The following SHANK2 variants were observed in gnomAD, a reference collection of about 807,000 sequenced individuals.
SHANK2 encodes SH3 and multiple ankyrin repeat domains 2, also known as SH3 and multiple ankyrin repeat domains protein 2.
SHANK2 carries 43 observed loss-of-function variants against 133.7 expected under a neutral mutation model. That is an observed-to-expected ratio of 0.32 (90% CI 0.25 to 0.41). The LOEUF is 0.41. SHANK2 is among the 10% of genes least tolerant of loss of function. The pLI is 1.00. For synonymous variants in SHANK2, 1,017 were observed against 952.8 expected, an observed-to-expected ratio of 1.07 and a Z score of -1.24; for missense variants, 1,994 against 2,235.8, an observed-to-expected ratio of 0.89 and a Z score of 2.18.
intron 11 of SHANK2, among the ~76,000 whole-genome samples, chr11:70,832,063 T>C (rs782309684): frequency 6.6e-6 from 1 of 152,208 alleles, no homozygotes; most frequent in African/African-American, 2.4e-5. Context: ...GGGGACACCT[T>C]TGGGGACAAG....
chr11:71,183,187 G>A (rs1221694687), intron 2 of SHANK2, among the ~76,000 whole-genome samples: 1 of 152,164 alleles, frequency 6.6e-6, no homozygotes, highest in Non-Finnish European at 1.5e-5. Flanking sequence ...GGGCTCCAAG[G>A]ATATGAGAAC....
At chr11:70,678,935 C>T (rs1383880471) in intron 15 of SHANK2, among the ~76,000 whole-genome samples, 2 of 152,188 alleles carry the variant, frequency 1.3e-5, no homozygotes, top group African/African-American at 4.8e-5. Flanking sequence ...GACATACATC[C>T]TCCAGATATC....
At chr11:70,628,527 G>A (rs1180033331) in intron 17 of SHANK2, among the ~76,000 whole-genome samples, 1 of 152,192 alleles carries the variant, frequency 6.6e-6, no homozygotes, top group East Asian at 1.9e-4. Flanking sequence ...AGTCCTTATA[G>A]TAGCTCTGAA....
intron 4 of SHANK2, among the ~76,000 whole-genome samples, chr11:71,114,350 C>T (rs1283075390): frequency 2.0e-5 from 3 of 152,166 alleles, no homozygotes; most frequent in Admixed American, 1.3e-4. Context: ...GCAAAAACCG[C>T]CCCTGGGTAA....
At chr11:70,906,848 G>A (rs1555078053) in intron 10 of SHANK2, among the ~76,000 whole-genome samples, 1 of 152,246 alleles carries the variant, frequency 6.6e-6, no homozygotes, top group South Asian at 2.1e-4. Flanking sequence ...AAACTTCAAG[G>A]GAATCTCTGC....
chr11:70,851,956 G>GC (rs1440548643), intron 11 of SHANK2, among the ~76,000 whole-genome samples: 1 of 152,190 alleles, frequency 6.6e-6, no homozygotes, highest in Non-Finnish European at 1.5e-5. Context: ...AAGAATCACT[G>GC]CCCCATGAAA....
At chr11:71,149,486 C>A (rs1555107444) in intron 2 of SHANK2, among the ~76,000 whole-genome samples, 3 of 152,302 alleles carry the variant, frequency 2.0e-5, no homozygotes, top group East Asian at 1.9e-4. Flanking sequence ...AGGCACCAAC[C>A]CAGCCCAAGC....
intron 2 of SHANK2, among the ~76,000 whole-genome samples, chr11:71,174,121 T>C (rs1306590631): frequency 1.3e-5 from 2 of 152,236 alleles, no homozygotes; most frequent in Non-Finnish European, 2.9e-5. Flanking sequence ...TTGGATGATA[T>C]GTACGCTTCA....
intron 17 of SHANK2, among the ~76,000 whole-genome samples, chr11:70,641,750 C>G (rs2061186119): frequency 6.6e-6 from 1 of 152,214 alleles, no homozygotes; most frequent in Admixed American, 6.5e-5. Context: ...CTCAAATGAA[C>G]AGCCAGTTTT....
chr11:70,525,135 G>A (rs564677512), intron 17 of SHANK2, among the ~76,000 whole-genome samples: 68 of 152,376 alleles, frequency 4.5e-4, no homozygotes, highest in African/African-American at 1.4e-3. Flanking sequence ...ACAGGGACGC[G>A]TGTGGAGGCT....
chr11:71,249,766 T>C (rs926231517), intron 1 of SHANK2, among the ~76,000 whole-genome samples: 1 of 152,230 alleles, frequency 6.6e-6, no homozygotes, highest in African/African-American at 2.4e-5. Flanking sequence ...ACTGCCTTCC[T>C]ATAAAGAGCC....
chr11:70,917,134 C>A (rs1950282348), intron 10 of SHANK2, among the ~76,000 whole-genome samples: 1 of 152,122 alleles, frequency 6.6e-6, no homozygotes, highest in African/African-American at 2.4e-5. Flanking sequence ...TCCCAGCCTA[C>A]TCCAAACATC....
chr11:70,755,248 T>G (rs1293892334), intron 14 of SHANK2, among the ~76,000 whole-genome samples: 1 of 152,166 alleles, frequency 6.6e-6, no homozygotes, highest in African/African-American at 2.4e-5. Context: ...ATTTTTGCAT[T>G]TGTAGTAGAG....
chr11:70,797,901 T>C (rs1370546178), intron 14 of SHANK2, among the ~76,000 whole-genome samples: 2 of 151,388 alleles, frequency 1.3e-5, no homozygotes, highest in Admixed American at 1.3e-4. Context: ...TGGTCTCCTC[T>C]TCACATTTTA....
chr11:70,688,840 C>A (rs182683964), intron 15 of SHANK2, among the ~76,000 whole-genome samples: 3 of 152,310 alleles, frequency 2.0e-5, no homozygotes, highest in African/African-American at 4.8e-5. Flanking sequence ...CATGTCTCCC[C>A]ACCACAGCTC....
intron 14 of SHANK2, among the ~76,000 whole-genome samples, chr11:70,741,946 G>A (rs779964820): frequency 6.6e-6 from 1 of 152,296 alleles, no homozygotes; most frequent in Non-Finnish European, 1.5e-5. Flanking sequence ...AACTGTTAAG[G>A]AAAGAGTCAG....
intron 2 of SHANK2, among the ~76,000 whole-genome samples, chr11:71,196,735 C>T (rs550344519): frequency 3.3e-5 from 5 of 151,638 alleles, no homozygotes; most frequent in Middle Eastern, 3.4e-3. Context: ...CAATGGCTCA[C>T]GCCTACAATT....
rs181247313 is a variant in SHANK2 at position 70,798,327 on chromosome 11, G to A, written c.1777+116C>T. On this transcript the variant is annotated intron_variant, in intron 14 of 25. Transcript: ENST00000601538. The stretch of plus-strand genomic sequence containing the variant: ...CAAAGATCTAGAAAGTCCTGAATTC[G>A]CAACTCAGCCTCCCTCTACGACGCA... 2.0e-4 allele frequency: 135 copies of A among 680,392 alleles called. 1 individual carries two copies. The African/African-American group carries it at 2.1e-3, about 10-fold the overall frequency. The allele number at this position is 680,392 out of a possible 1,614,324, so 42.1% of individuals were successfully genotyped here. A position where few individuals can be genotyped will look rare whatever the true frequency, so the allele number is the denominator to read the frequency against.
rs1325699408 is a variant in SHANK2, at chr11:71,092,536, G to A, written c.798C>T (p.Thr266=). The A allele has an allele frequency of 3.2e-6, 5 of 1,551,764 alleles. No individual in the cohort carries two copies. The East Asian group carries it at 1.2e-4, about 38-fold the overall frequency. Residue 266 remains threonine (T), a synonymous_variant, in exon 8 of 26, where the codon ACC becomes ACT. Coordinates refer to ENST00000601538, the MANE Select transcript of SHANK2 (RefSeq NM_012309.5). ...CGACGATGGCTGTGTGATACAGCGG[G>A]GTGAGGCCGTAACTGTCTTTATAAT... ...SPDYKDSYGL[T]PLYHTAIVGG...
Sources: gnomAD v4.1 joint callset for allele counts (sites outside exome capture counted in the v4.1 genomes callset) on GRCh38, gnomAD v4.1.1 for gene constraint, MANE v1.5 for transcripts, NCBI Gene and HGNC (gene_info 2026-07-23, HGNC 2026-07-21) for gene names.